The following IRAK1BP1 variants were observed in gnomAD, a reference collection of about 807,000 sequenced individuals.
The protein encoded by IRAK1BP1 is interleukin 1 receptor associated kinase 1 binding protein 1, also known as interleukin-1 receptor-associated kinase 1-binding protein 1.
In IRAK1BP1, 24 loss-of-function variants were observed where a neutral mutation model predicts 28.0. The observed-to-expected ratio is 0.86, with a 90% CI of 0.62 to 1.20. IRAK1BP1 has a LOEUF of 1.20. Among genes scored for constraint, IRAK1BP1 ranks in the 50% most tolerant of loss-of-function variants. IRAK1BP1 has a pLI of 0.00. For synonymous variants in IRAK1BP1, 131 were observed against 116.3 expected, an observed-to-expected ratio of 1.13 and a Z score of -0.81; for missense variants, 336 against 316.7, an observed-to-expected ratio of 1.06 and a Z score of -0.46.
chr6:78,917,871 G>A (rs188707699), intron 4 of IRAK1BP1, among the ~76,000 whole-genome samples: 1 of 152,168 alleles, frequency 6.6e-6, no homozygotes, highest in Non-Finnish European at 1.5e-5. Flanking sequence ...ACAAGCAAGT[G>A]CTAGGGGAAT....
Position 78,880,839 on chromosome 6 carries a change from AC to A in IRAK1BP1, c.316-4537del, listed in dbSNP as rs1771204410. ...AAACCACAATGAAATACTGCTATGTACCTATTAGAATGGCTTAAATACAGTA... is the reference window on the plus strand; with the variant it reads ...AAACCACAATGAAATACTGCTATGTACTATTAGAATGGCTTAAATACAGTA... On this transcript the variant is annotated intron_variant, in intron 1 of 3. Transcript: ENST00000369940. 2.0e-5 allele frequency among the ~76,000 whole-genome samples: 3 copies of A among 152,330 alleles called. No individual in the cohort carries two copies. The South Asian group carries it at 6.2e-4, about 32-fold the overall frequency.
At chr6:78,872,066 A>G in intron 1 of IRAK1BP1, 1 of 697,446 alleles carries the variant, frequency 1.4e-6, no homozygotes, top group Non-Finnish European at 2.6e-6. Flanking sequence ...ATGTAGAACT[A>G]GAATGACTGA....
In IRAK1BP1 at chr6:78,899,092, A is replaced by T. The variant is rs1772009018; in HGVS notation, c.*758A>T. The T allele has an allele frequency of 6.6e-6, 1 of 152,094 alleles. No homozygotes were observed. Among genetic ancestry groups the T allele is most frequent in the South Asian group, 2.1e-4 (1 of 4,832 alleles). 9.4% of individuals were successfully genotyped at this position (152,094 alleles called of 1,614,324 possible). A position where few individuals can be genotyped will look rare whatever the true frequency, so the allele number is the denominator to read the frequency against. On this transcript the variant is annotated 3_prime_UTR_variant, in exon 4 of 4. Transcript: ENST00000369940. ...CCATATGCAATATGGCTACATATAC[A>T]GCAGGCTTTTGTTGTAGGTAAAGAA...
At chr6:78,920,983 C>T (rs1340901635) in intron 4 of IRAK1BP1, among the ~76,000 whole-genome samples, 1 of 152,198 alleles carries the variant, frequency 6.6e-6, no homozygotes, top group Non-Finnish European at 1.5e-5. Flanking sequence ...CTCCGGTCTA[C>T]AGCTCCTAGT....
chr6:78,883,213 C>G (rs1378762621), intron 1 of IRAK1BP1, among the ~76,000 whole-genome samples: 1 of 152,096 alleles, frequency 6.6e-6, no homozygotes, highest in Non-Finnish European at 1.5e-5. Context: ...GTGAGCCATG[C>G]TTGTACCACT....
At chr6:78,969,111 C>T in the IRAK1BP1 span, among the ~76,000 whole-genome samples, 3 of 152,212 alleles carry the variant, frequency 2.0e-5, no homozygotes, top group East Asian at 5.8e-4. Context: ...TGTAAATTTT[C>T]TTTCTAACTT....
Position 78,901,894 on chromosome 6 carries a change from G to A in IRAK1BP1, c.*3560G>A, listed in dbSNP as rs1008411226. 1 of 152,020 alleles carries A rather than the reference G, an allele frequency of 6.6e-6. No homozygotes were observed. The highest frequency in any genetic ancestry group is 2.4e-5 in the African/African-American group (1 of 41,392). 9.4% of individuals were successfully genotyped at this position (152,020 alleles called of 1,614,324 possible). On this transcript the variant is annotated 3_prime_UTR_variant, in exon 4 of 4. Coordinates refer to ENST00000369940, the MANE Select transcript of IRAK1BP1 (RefSeq NM_001010844.4). ...GTTGTTTTGTAATATTCCTTCTCAGGAATATGGGCTAAGGATATCTCAACT... is the reference window on the plus strand; with the variant it reads ...GTTGTTTTGTAATATTCCTTCTCAGAAATATGGGCTAAGGATATCTCAACT...
exon 5 of IRAK1BP1, chr6:78,946,360 A>G (rs1364982992): frequency 5.0e-6 from 7 of 1,399,398 alleles, no homozygotes; most frequent in Middle Eastern, 2.4e-4. Flanking sequence ...CTATTATGAA[A>G]TATGTTAAAA....
At chr6:78,896,344 A>G (rs1023556393) in intron 2 of IRAK1BP1, among the ~76,000 whole-genome samples, 4 of 152,034 alleles carry the variant, frequency 2.6e-5, no homozygotes, top group Non-Finnish European at 5.9e-5. Flanking sequence ...AAAAAAAAAA[A>G]AAAACAACCT....
At chr6:78,946,384 G>C in exon 5 of IRAK1BP1, 1 of 1,385,602 alleles carries the variant, frequency 7.2e-7, no homozygotes, top group Admixed American at 2.5e-5. Flanking sequence ...GAGATTTATA[G>C]TGGATTTCAT....
chr6:78,941,061 T>C, intron 4 of IRAK1BP1: 2 of 1,614,040 alleles, frequency 1.2e-6, no homozygotes. Flanking sequence ...TCCTTTACAT[T>C]ATTAGTTTCA....
exon 5 of IRAK1BP1, chr6:78,945,946 A>G: frequency 1.5e-6 from 2 of 1,316,942 alleles, no homozygotes; most frequent in Non-Finnish European, 2.2e-6. Context: ...GGCAAAGTAA[A>G]AGCTTAAATT....
the IRAK1BP1 span, chr6:78,955,246 T>G: frequency 1.2e-6 from 2 of 1,608,408 alleles, no homozygotes; most frequent in Non-Finnish European, 1.7e-6. Context: ...CTTTTTCGAG[T>G]AGAAGTTCCT....
chr6:78,940,496 TTA>T lies in IRAK1BP1; in HGVS notation c.*68-4894_*68-4893del, dbSNP rs55984056. The T allele has an allele frequency of 0.54, 70,182 of 130,504 alleles. 19,276 individuals are homozygous for T. The highest frequency in any genetic ancestry group is 0.65 in the African/African-American group (22,635 of 35,036). 8.1% of individuals were successfully genotyped at this position (130,504 alleles called of 1,614,324 possible). A position where few individuals can be genotyped will look rare whatever the true frequency, so the allele number is the denominator to read the frequency against. On this transcript the variant is annotated intron_variant and NMD_transcript_variant, in intron 4 of 4. Coordinates refer to the IRAK1BP1 transcript ENST00000606868. ...ACATTTAAAATATATATGTATATAT[TTA>T]TATATATATATATATATTCATTTAA...
At chr6:78,975,278 G>A in the IRAK1BP1 span, among the ~76,000 whole-genome samples, 2 of 152,056 alleles carry the variant, frequency 1.3e-5, no homozygotes. Context: ...AAAACCACAT[G>A]ATTATCTCAA....
downstream of IRAK1BP1, chr6:78,903,183 G>A: frequency 1.2e-6 from 1 of 807,410 alleles, no homozygotes; most frequent in Non-Finnish European, 1.9e-6. Flanking sequence ...GCTACATAGG[G>A]TTTAAACTTT....
chr6:78,959,172 G>C, the IRAK1BP1 span, among the ~76,000 whole-genome samples: 1 of 151,940 alleles, frequency 6.6e-6, no homozygotes, highest in Non-Finnish European at 1.5e-5. Flanking sequence ...AATAAAATCT[G>C]GAGTTTTACA....
intron 2 of IRAK1BP1, among the ~76,000 whole-genome samples, chr6:78,897,487 A>G (rs1293226919): frequency 6.6e-6 from 1 of 152,164 alleles, no homozygotes; most frequent in African/African-American, 2.4e-5. Context: ...TCAGGAAGCT[A>G]AGGGCATTGA....
intron 4 of IRAK1BP1, among the ~76,000 whole-genome samples, chr6:78,918,493 G>A (rs886552121): frequency 9.7e-5 from 14 of 144,624 alleles, no homozygotes; most frequent in Admixed American, 7.3e-5. Flanking sequence ...TAAAGGGCTG[G>A]GGAAAGATTT....
Sources: allele counts gnomAD v4.1 joint callset (sites outside exome capture counted in the v4.1 genomes callset), GRCh38; gene constraint gnomAD v4.1.1; transcripts MANE v1.5; gene names NCBI Gene and HGNC (gene_info 2026-07-23, HGNC 2026-07-21).